The following PLPPR1 variants were observed in gnomAD, a reference collection of about 807,000 sequenced individuals.
PLPPR1 encodes phospholipid phosphatase-related protein type 1.
In PLPPR1, 10 loss-of-function variants were observed where a neutral mutation model predicts 33.1. The observed-to-expected ratio is 0.30, with a 90% confidence interval of 0.19 to 0.51. The LOEUF (loss-of-function observed/expected upper bound fraction) is 0.51. Ranked by LOEUF, PLPPR1 falls within the 20% of genes least tolerant of loss-of-function variation. The pLI, the probability that PLPPR1 is intolerant of heterozygous loss-of-function variation, is 0.97. For missense variants in PLPPR1, 304 were observed against 408.1 expected, an observed-to-expected ratio of 0.74 and a Z score of 2.20; for synonymous variants, 151 against 151.0, an observed-to-expected ratio of 1.00 and a Z score of 0.00.
At chr9:101,176,873 GA>G (rs1157236372) in intron 1 of PLPPR1, among the ~76,000 whole-genome samples, 2 of 152,130 alleles carry the variant, frequency 1.3e-5, no homozygotes, top group African/African-American at 4.8e-5. Flanking sequence ...ACAATCAAAA[GA>G]CACCAATGAC....
intron 2 of PLPPR1, among the ~76,000 whole-genome samples, chr9:101,220,100 C>T (rs1259610459): frequency 1.3e-5 from 2 of 152,108 alleles, no homozygotes; most frequent in Non-Finnish European, 2.9e-5. Context: ...TGGGAGGTTG[C>T]ATTGTGCATC....
intron 1 of PLPPR1, among the ~76,000 whole-genome samples, chr9:101,153,591 T>C (rs1042124599): frequency 1.3e-5 from 2 of 152,148 alleles, no homozygotes; most frequent in African/African-American, 4.8e-5. Flanking sequence ...TATTTATTTA[T>C]TGAGACAGAG....
At chr9:101,116,825 TA>T (rs1361768944) in intron 1 of PLPPR1, among the ~76,000 whole-genome samples, 3 of 145,530 alleles carry the variant, frequency 2.1e-5, no homozygotes, top group Non-Finnish European at 4.6e-5. Context: ...AAAAAAAAAG[TA>T]AAAAAAGAAA....
chr9:101,286,119 A>T lies in PLPPR1; in HGVS notation c.268A>T (p.Ile90Leu). The stretch of plus-strand genomic sequence containing the variant: ...CCTTCCCTAGATTTTTATTGGTGAG[A>T]TATCCATGTATTTCATAAAATCAAC... ...TPTAIIFIGE[I>L]SMYFIKSTRE... is the part of the protein sequence containing the mutation. The change falls in exon 4 of 8, where the codon ATA becomes TTA. Residue 90 changes from isoleucine (I) to leucine (L), a missense_variant. Transcript: ENST00000374874. The T allele has an allele frequency of 6.2e-7, 1 of 1,612,230 alleles. No individual in the cohort carries two copies. The highest frequency in any genetic ancestry group is 1.3e-5 in the African/African-American group (1 of 75,002).
intron 1 of PLPPR1, among the ~76,000 whole-genome samples, chr9:101,081,315 G>C (rs541244571): frequency 6.6e-6 from 1 of 152,074 alleles, no homozygotes; most frequent in Admixed American, 6.5e-5. Flanking sequence ...TCCCTCCCAG[G>C]TTCAAGCAAT....
chr9:101,244,900 T>C (rs1156981875), intron 2 of PLPPR1, among the ~76,000 whole-genome samples: 2 of 151,918 alleles, frequency 1.3e-5, no homozygotes, highest in East Asian at 3.9e-4. Context: ...AAAAAACACA[T>C]AAATAGGCAT....
intron 1 of PLPPR1, among the ~76,000 whole-genome samples, chr9:101,115,773 A>G (rs1016330024): frequency 1.3e-5 from 2 of 152,238 alleles, no homozygotes; most frequent in African/African-American, 4.8e-5. Context: ...GAATTCCCTC[A>G]GATTCAACTA....
chr9:101,299,029 A>C (rs1828698753), intron 4 of PLPPR1, among the ~76,000 whole-genome samples: 1 of 152,228 alleles, frequency 6.6e-6, no homozygotes, highest in African/African-American at 2.4e-5. Flanking sequence ...CAATCTACCC[A>C]GGTAGTCTAA....
chr9:101,096,193 ATTC>A (rs1830815226), intron 1 of PLPPR1, among the ~76,000 whole-genome samples: 1 of 152,190 alleles, frequency 6.6e-6, no homozygotes. Flanking sequence ...GGGCCAGCAC[ATTC>A]TTCTTAAAAA....
At chr9:101,291,424 T>G (rs1317923265) in intron 4 of PLPPR1, among the ~76,000 whole-genome samples, 1 of 152,138 alleles carries the variant, frequency 6.6e-6, no homozygotes, top group African/African-American at 2.4e-5. Flanking sequence ...TCTGACAGCT[T>G]TGAAAAGAGC....
chr9:101,323,490 G>A (rs1373822080), intron 7 of PLPPR1, among the ~76,000 whole-genome samples: 11 of 131,428 alleles, frequency 8.4e-5, no homozygotes, highest in Non-Finnish European at 1.5e-4. Context: ...AAAAAAAAAA[G>A]TTTGGGTGAA....
At chr9:101,248,403 A>G (rs1357813299) in intron 2 of PLPPR1, among the ~76,000 whole-genome samples, 1 of 152,100 alleles carries the variant, frequency 6.6e-6, no homozygotes, top group African/African-American at 2.4e-5. Flanking sequence ...GCAAATACCG[A>G]CAAGGCATGC....
At chr9:101,035,015 A>G (rs934064862) in intron 1 of PLPPR1, among the ~76,000 whole-genome samples, 3 of 152,106 alleles carry the variant, frequency 2.0e-5, no homozygotes, top group African/African-American at 7.2e-5. Context: ...GGAAGATGAA[A>G]GTTTGCTTGC....
At chr9:101,294,283 C>G (rs1394980660) in intron 4 of PLPPR1, among the ~76,000 whole-genome samples, 16 of 150,068 alleles carry the variant, frequency 1.1e-4, no homozygotes, top group South Asian at 4.4e-4. Flanking sequence ...AGACCAATAA[C>G]AGGCTCTGAA....
At chr9:101,222,470 A>G (rs1374539838) in intron 2 of PLPPR1, among the ~76,000 whole-genome samples, 1 of 152,208 alleles carries the variant, frequency 6.6e-6, no homozygotes, top group Non-Finnish European at 1.5e-5. Flanking sequence ...AGGTGGGACC[A>G]GGAGGCAACC....
At chr9:101,201,889 C>A (rs749793517) in intron 2 of PLPPR1, among the ~76,000 whole-genome samples, 4 of 152,154 alleles carry the variant, frequency 2.6e-5, no homozygotes, top group Non-Finnish European at 5.9e-5. Context: ...ATTCCTAGCT[C>A]AAGTGAAAGC....
At chr9:101,236,297 A>T (rs1368140198) in intron 2 of PLPPR1, among the ~76,000 whole-genome samples, 1 of 151,598 alleles carries the variant, frequency 6.6e-6, no homozygotes, top group Non-Finnish European at 1.5e-5. Context: ...GACCAATTTT[A>T]CCCTCTGGCT....
intron 1 of PLPPR1, among the ~76,000 whole-genome samples, chr9:101,123,733 A>C (rs574254336): frequency 4.6e-5 from 7 of 152,174 alleles, no homozygotes; most frequent in Non-Finnish European, 1.0e-4. Context: ...CTTTTAACTC[A>C]AAATACAATC....
At chr9:101,297,393 G>C (rs1828667415) in intron 4 of PLPPR1, among the ~76,000 whole-genome samples, 3 of 152,116 alleles carry the variant, frequency 2.0e-5, no homozygotes. Context: ...TCACCCCACA[G>C]ATCCAAATTA....
Sources: gnomAD v4.1 joint callset for allele counts (sites outside exome capture counted in the v4.1 genomes callset) on GRCh38, gnomAD v4.1.1 for gene constraint, MANE v1.5 for transcripts, NCBI Gene and HGNC (gene_info 2026-07-23, HGNC 2026-07-21) for gene names.